RAPGEF5: variants seen among roughly 807,000 people sequenced by gnomAD.
RAPGEF5 encodes the protein Rap guanine nucleotide exchange factor 5.
In RAPGEF5, 65 loss-of-function variants were observed where a neutral mutation model predicts 125.2. That is an observed-to-expected ratio of 0.52 (90% CI 0.43 to 0.64). RAPGEF5 has a LOEUF of 0.64. Among genes scored for constraint, RAPGEF5 ranks in the 30% least tolerant of loss-of-function variants. RAPGEF5 has a pLI of 0.00. For synonymous variants in RAPGEF5, 391 were observed against 385.9 expected (o/e 1.01, Z -0.16); for missense variants, 958 against 1,048.1 (o/e 0.91, Z 1.19).
intron 5 of RAPGEF5, among the ~76,000 whole-genome samples, chr7:22,306,249 A>C (rs1783338663): frequency 6.6e-6 from 1 of 152,262 alleles, no homozygotes; most frequent in South Asian, 2.1e-4. Flanking sequence ...TTGTCTTTTG[A>C]ATATAAGCCA....
chr7:22,339,739 A>C (rs1247430061), intron 1 of RAPGEF5, among the ~76,000 whole-genome samples: 1 of 152,230 alleles, frequency 6.6e-6, no homozygotes, highest in African/African-American at 2.4e-5. Context: ...AGAAGCTTCT[A>C]CATTTATTAC....
At chr7:22,279,216 G>C (rs574615444) in intron 6 of RAPGEF5, among the ~76,000 whole-genome samples, 1 of 152,158 alleles carries the variant, frequency 6.6e-6, no homozygotes. Flanking sequence ...CCCCACGTGT[G>C]TTTGTCCTGA....
intron 11 of RAPGEF5, among the ~76,000 whole-genome samples, chr7:22,176,219 G>T (rs894935752): frequency 1.3e-5 from 2 of 152,096 alleles, no homozygotes; most frequent in Non-Finnish European, 1.5e-5. Flanking sequence ...AGAACTGCAG[G>T]GGAAAGACTT....
intron 1 of RAPGEF5, among the ~76,000 whole-genome samples, chr7:22,354,769 C>T (rs1784391441): frequency 6.6e-6 from 1 of 152,176 alleles, no homozygotes; most frequent in South Asian, 2.1e-4. Context: ...AAGTGGTCAT[C>T]TGCAGGCCAG....
intron 7 of RAPGEF5, among the ~76,000 whole-genome samples, chr7:22,255,108 T>C (rs546095804): frequency 7.2e-5 from 11 of 152,224 alleles, no homozygotes; most frequent in Middle Eastern, 3.4e-3. Flanking sequence ...GTTGAAACCA[T>C]ATGCCCACCC....
chr7:22,320,113 A>G (rs1562527431), intron 1 of RAPGEF5, among the ~76,000 whole-genome samples: 1 of 152,224 alleles, frequency 6.6e-6, no homozygotes, highest in Non-Finnish European at 1.5e-5. Flanking sequence ...GCTCAACATA[A>G]TAACTGTCTT....
chr7:22,331,553 G>A (rs1353101044), intron 1 of RAPGEF5, among the ~76,000 whole-genome samples: 3 of 152,012 alleles, frequency 2.0e-5, no homozygotes, highest in Non-Finnish European at 4.4e-5. Context: ...AGACCATCCT[G>A]GCTAACATGC....
chr7:22,297,016 G>C (rs1051065197), intron 5 of RAPGEF5, among the ~76,000 whole-genome samples: 2 of 152,194 alleles, frequency 1.3e-5, no homozygotes, highest in Non-Finnish European at 2.9e-5. Flanking sequence ...ACTGTTGAAA[G>C]CCTGAATGGA....
At chr7:22,248,787 T>A (rs1001992471) in intron 7 of RAPGEF5, among the ~76,000 whole-genome samples, 25 of 152,256 alleles carry the variant, frequency 1.6e-4, no homozygotes, top group African/African-American at 5.3e-4. Flanking sequence ...CTTTTAAACA[T>A]GCTAAAACAA....
chr7:22,305,989 G>A (rs149302021), intron 5 of RAPGEF5, among the ~76,000 whole-genome samples: 2,205 of 152,206 alleles, frequency 0.014, 60 homozygotes, highest in African/African-American at 0.051. Flanking sequence ...AATCTCAGCT[G>A]TTGTGGACAG....
At chr7:22,221,895 A>G (rs1785799375) in intron 8 of RAPGEF5, among the ~76,000 whole-genome samples, 1 of 152,146 alleles carries the variant, frequency 6.6e-6, no homozygotes, top group African/African-American at 2.4e-5. Context: ...AGAGTAAAGG[A>G]TTTATTTGAG....
intron 1 of RAPGEF5, among the ~76,000 whole-genome samples, chr7:22,348,877 A>C (rs1173842984): frequency 6.6e-6 from 1 of 152,200 alleles, no homozygotes; most frequent in African/African-American, 2.4e-5. Flanking sequence ...ACTTGAGGCC[A>C]GGAGTTTGAG....
At chr7:22,294,393 G>C (rs1798804) in intron 5 of RAPGEF5, among the ~76,000 whole-genome samples, 70,600 of 151,916 alleles carry the variant, frequency 0.46, 17,173 homozygotes, top group East Asian at 0.68. Flanking sequence ...CTCCAGGGGA[G>C]AGTGCTGAGT....
intron 13 of RAPGEF5, 112 bp from the exon 14 acceptor site, chr7:22,160,727 G>A (rs1783961557): frequency 1.6e-6 from 2 of 1,286,274 alleles, no homozygotes; most frequent in Non-Finnish European, 2.0e-6. Flanking sequence ...TCAGGACAAT[G>A]TACGGGTTTC....
intron 6 of RAPGEF5, among the ~76,000 whole-genome samples, chr7:22,282,667 C>T (rs952607173): frequency 2.6e-5 from 4 of 152,094 alleles, no homozygotes; most frequent in South Asian, 4.1e-4. Context: ...TGACAATGTA[C>T]GACAAAAAGT....
At chr7:22,171,657 C>T (rs1272459579) in intron 11 of RAPGEF5, among the ~76,000 whole-genome samples, 1 of 152,192 alleles carries the variant, frequency 6.6e-6, no homozygotes, top group Non-Finnish European at 1.5e-5. Flanking sequence ...CGCTACCACG[C>T]CCGGCTAATT....
intron 7 of RAPGEF5, among the ~76,000 whole-genome samples, chr7:22,242,692 C>T (rs1786364539): frequency 6.6e-6 from 1 of 152,140 alleles, no homozygotes; most frequent in African/African-American, 2.4e-5. Flanking sequence ...TGGCTCACGC[C>T]TGTAATCCTA....
At chr7:22,148,474 T>C (rs749645897) in intron 18 of RAPGEF5, among the ~76,000 whole-genome samples, 16 of 152,244 alleles carry the variant, frequency 1.1e-4, no homozygotes, top group Non-Finnish European at 2.1e-4. Flanking sequence ...GATTAATCTA[T>C]GTGAAAGTGA....
At chr7:22,268,831 A>G (rs1782348389) in intron 6 of RAPGEF5, among the ~76,000 whole-genome samples, 1 of 152,218 alleles carries the variant, frequency 6.6e-6, no homozygotes, top group African/African-American at 2.4e-5. Context: ...TGATGCCCAA[A>G]ATAGAAACAG....
Sources: gnomAD v4.1 joint callset for allele counts (sites outside exome capture counted in the v4.1 genomes callset) on GRCh38, gnomAD v4.1.1 for gene constraint, MANE v1.5 for transcripts, NCBI Gene and HGNC (gene_info 2026-07-23, HGNC 2026-07-21) for gene names.